The following NAALADL2 variants were observed in gnomAD, a reference collection of about 807,000 sequenced individuals.
NAALADL2 encodes N-acetylated alpha-linked acidic dipeptidase like 2.
NAALADL2 carries 76 observed loss-of-function variants against 87.2 expected under a neutral mutation model. The ratio of observed to expected loss-of-function variants is 0.87; its 90% CI spans 0.72 to 1.05. The LOEUF (loss-of-function observed/expected upper bound fraction) is 1.05, where lower values mean the gene tolerates loss of function less well. NAALADL2 is among the 50% of genes least tolerant of loss of function. The probability of loss-of-function intolerance (pLI) is 0.00; values close to 1 mark genes in which losing one functional copy is unlikely to be tolerated. For missense variants in NAALADL2, 1,089 were observed against 945.8 expected (o/e 1.15, Z -1.99); for synonymous variants, 354 against 331.0 (o/e 1.07, Z -0.75).
chr3:175,063,449 G>A (rs1460992495), intron 1 of NAALADL2, among the ~76,000 whole-genome samples: 1 of 151,752 alleles, frequency 6.6e-6, no homozygotes, highest in South Asian at 2.1e-4. Context: ...AGGAGGCAGA[G>A]TAAAATATAT....
At chr3:175,042,431 T>C (rs1016159476) in intron 1 of NAALADL2, among the ~76,000 whole-genome samples, 4 of 152,174 alleles carry the variant, frequency 2.6e-5, no homozygotes, top group African/African-American at 9.7e-5. Context: ...CTCTTTGAGA[T>C]ACTGATTTTA....
chr3:175,463,698 G>A (rs961457379), intron 7 of NAALADL2, among the ~76,000 whole-genome samples: 8 of 118,976 alleles, frequency 6.7e-5, no homozygotes, highest in Non-Finnish European at 1.4e-4. Flanking sequence ...AATCTTAGTC[G>A]GGGGAGAGAG....
rs1439707630 is a variant in NAALADL2 at position 175,808,008 on chromosome 3, C to T, written c.*4805C>T. ...TACTCAAGTTTCTGTTTTCTAGGTA[C>T]ACTCTAGCATTGTAACTTTTTCCCC... On this transcript the variant is annotated 3_prime_UTR_variant, in exon 14 of 14. Coordinates refer to ENST00000454872, the MANE Select transcript of NAALADL2 (RefSeq NM_207015.3). The T allele has an allele frequency of 6.6e-6, 1 of 151,880 alleles. No homozygotes were observed. Among genetic ancestry groups the T allele is most frequent in the Non-Finnish European group, 1.5e-5 (1 of 67,898 alleles). 9.4% of individuals were successfully genotyped at this position (151,880 alleles called of 1,614,324 possible).
At chr3:175,600,091 T>C (rs1419077266) in intron 10 of NAALADL2, among the ~76,000 whole-genome samples, 1 of 151,964 alleles carries the variant, frequency 6.6e-6, no homozygotes, top group African/African-American at 2.4e-5. Flanking sequence ...TCATTTTATA[T>C]ATGTGCATGT....
intron 1 of NAALADL2, among the ~76,000 whole-genome samples, chr3:174,522,933 C>CAAAAAAAAAA (rs57653560): frequency 2.6e-5 from 2 of 75,838 alleles, no homozygotes; most frequent in Non-Finnish European, 4.9e-5. Context: ...GACTCTGTCT[C>CAAAAAAAAAA]AAAAAAAAAA....
intron 5 of NAALADL2, among the ~76,000 whole-genome samples, chr3:175,439,098 G>A (rs1483269701): frequency 6.6e-6 from 1 of 152,124 alleles, no homozygotes; most frequent in East Asian, 1.9e-4. Context: ...GAGAACAGAT[G>A]ATGTTTGGTT....
intron 2 of NAALADL2, among the ~76,000 whole-genome samples, chr3:175,140,036 A>T (rs1245689340): frequency 6.6e-6 from 1 of 152,160 alleles, no homozygotes; most frequent in Admixed American, 6.6e-5. Context: ...TAGAGGAGAT[A>T]ATACGGATAA....
chr3:175,691,171 A>G (rs1313441642), intron 11 of NAALADL2, among the ~76,000 whole-genome samples: 2 of 151,292 alleles, frequency 1.3e-5, no homozygotes, highest in Non-Finnish European at 3.0e-5. Context: ...CTATATAGAG[A>G]CAGAAACTTT....
chr3:175,742,726 G>A (rs1745413340), intron 12 of NAALADL2, among the ~76,000 whole-genome samples: 1 of 152,070 alleles, frequency 6.6e-6, no homozygotes, highest in Non-Finnish European at 1.5e-5. Context: ...CATGACACAG[G>A]AGCCTTCAGA....
chr3:175,515,361 G>C (rs1489279310), intron 9 of NAALADL2, among the ~76,000 whole-genome samples: 1 of 152,102 alleles, frequency 6.6e-6, no homozygotes, highest in African/African-American at 2.4e-5. Context: ...CAATCATTGA[G>C]AGACTGCCAT....
In NAALADL2 at chr3:175,132,080, C is replaced by T. The variant is rs1195201339; in HGVS notation, c.545+34789C>T. On this transcript the variant is annotated intron_variant, in intron 2 of 13. Coordinates refer to ENST00000454872, the MANE Select transcript of NAALADL2 (RefSeq NM_207015.3). ...TTCCCAGTAGGGGCGGCTGGCCAGG[C>T]GGGGGGCTGATTCCACCACCTCCCG... Among the ~76,000 whole-genome samples the T allele has an allele frequency of 3.9e-5, 5 of 127,580 alleles. 1 individual carries two copies. In the South Asian group the frequency reaches 7.9e-4, roughly 20 times the overall value. 83.7% of individuals were successfully genotyped at this position (127,580 alleles called of 152,430 possible). A position where few individuals can be genotyped will look rare whatever the true frequency, so the allele number is the denominator to read the frequency against.
At chr3:175,227,428 G>T (rs193286935) in intron 2 of NAALADL2, among the ~76,000 whole-genome samples, 1 of 151,942 alleles carries the variant, frequency 6.6e-6, no homozygotes, top group Admixed American at 6.6e-5. Flanking sequence ...CTACTGGCCC[G>T]TGGAAACCCT....
chr3:174,519,353 G>A (rs1356085328), intron 1 of NAALADL2, among the ~76,000 whole-genome samples: 1 of 144,290 alleles, frequency 6.9e-6, no homozygotes, highest in East Asian at 2.0e-4. Flanking sequence ...TTGAGACAGA[G>A]TTTCACTCTT....
chr3:175,036,829 TTCC>T (rs1208637439), intron 1 of NAALADL2, among the ~76,000 whole-genome samples: 1 of 140,212 alleles, frequency 7.1e-6, no homozygotes, highest in Non-Finnish European at 1.5e-5. Context: ...TTTTTTAGCG[TTCC>T]TATACTTGCT....
chr3:175,564,002 C>T (rs1716705769), intron 9 of NAALADL2, among the ~76,000 whole-genome samples: 1 of 152,188 alleles, frequency 6.6e-6, no homozygotes, highest in Non-Finnish European at 1.5e-5. Flanking sequence ...CAGACTTGGA[C>T]ATATTACTGC....
intron 1 of NAALADL2, among the ~76,000 whole-genome samples, chr3:174,903,135 A>G (rs907416677): frequency 6.6e-6 from 1 of 152,086 alleles, no homozygotes; most frequent in African/African-American, 2.4e-5. Flanking sequence ...AAATGCCTTT[A>G]TGCCATCCCT....
intron 3 of NAALADL2, among the ~76,000 whole-genome samples, chr3:175,245,839 C>T (rs1747872558): frequency 6.6e-6 from 1 of 152,188 alleles, no homozygotes; most frequent in African/African-American, 2.4e-5. Flanking sequence ...TCCATTTTAA[C>T]TGACTAGAAC....
chr3:175,549,657 T>C (rs927803943), intron 9 of NAALADL2, among the ~76,000 whole-genome samples: 1 of 152,012 alleles, frequency 6.6e-6, no homozygotes, highest in Admixed American at 6.6e-5. Context: ...TGAACTAATG[T>C]CAATAATTAG....
At chr3:174,664,325 C>T (rs747624549) in intron 2 of NAALADL2, among the ~76,000 whole-genome samples, 1 of 152,262 alleles carries the variant, frequency 6.6e-6, no homozygotes, top group Non-Finnish European at 1.5e-5. Context: ...TTTTAGCGAT[C>T]GGACATATTG....
Sources: gnomAD v4.1 joint callset for allele counts (sites outside exome capture counted in the v4.1 genomes callset) on GRCh38, gnomAD v4.1.1 for gene constraint, MANE v1.5 for transcripts, NCBI Gene and HGNC (gene_info 2026-07-23, HGNC 2026-07-21) for gene names.